The following INSC variants were observed in gnomAD, a reference collection of about 807,000 sequenced individuals.
INSC encodes INSC spindle orientation adaptor protein.
A neutral mutation model predicts 58.6 loss-of-function variants in INSC; 67 were observed. That is an observed-to-expected ratio of 1.14 (90% CI 0.94 to 1.40). The LOEUF (loss-of-function observed/expected upper bound fraction) is 1.40, where lower values mean the gene tolerates loss of function less well. Ranked by LOEUF, INSC falls within the 40% of genes most tolerant of loss-of-function variation. The pLI, the probability that INSC is intolerant of heterozygous loss-of-function variation, is 0.00. For missense variants in INSC, 714 were observed against 692.0 expected (o/e 1.03, Z -0.36); for synonymous variants, 262 against 276.1 (o/e 0.95, Z 0.51).
rs188235797 is a variant in INSC at position 15,144,210 on chromosome 11, G to C, written c.-45-4920G>C. ...GGATATTTCTCAAATGTAGGAAATG[G>C]GTTCATATGTTAGAGGCCAGAAAGA... On this transcript the variant is annotated intron_variant, in intron 1 of 12. Transcript: ENST00000379556. 3.5e-3 allele frequency among the ~76,000 whole-genome samples: 526 copies of C among 152,274 alleles called. 6 individuals carry two copies. The highest frequency in any genetic ancestry group is 4.3e-3 in the Admixed American group (66 of 15,296).
intron 5 of INSC, among the ~76,000 whole-genome samples, chr11:15,181,963 A>T (rs191126531): frequency 6.6e-6 from 1 of 152,112 alleles, no homozygotes; most frequent in Middle Eastern, 3.2e-3. Flanking sequence ...TTCAATTTTC[A>T]TACTCTGTTC....
chr11:15,168,810 A>G (rs1849290024), intron 2 of INSC, among the ~76,000 whole-genome samples: 1 of 152,166 alleles, frequency 6.6e-6, no homozygotes, highest in South Asian at 2.1e-4. Flanking sequence ...TTCTGGGACA[A>G]TGGTAATAGT....
chr11:15,219,181 C>T, intron 7 of INSC, among the ~76,000 whole-genome samples: 1 of 152,122 alleles, frequency 6.6e-6, no homozygotes, highest in South Asian at 2.1e-4. Context: ...GGGTGGGATA[C>T]AGGAACTTGC....
chr11:15,180,694 C>G (rs113781029), intron 5 of INSC, among the ~76,000 whole-genome samples: 1,365 of 41,780 alleles, frequency 0.033, 61 homozygotes, highest in African/African-American at 0.1. Context: ...AGGGGGGGGG[C>G]GGGGGGGGGT....
At chr11:15,179,415 TAAC>T (rs1018464805) in intron 5 of INSC, among the ~76,000 whole-genome samples, 10 of 152,234 alleles carry the variant, frequency 6.6e-5, no homozygotes, top group African/African-American at 2.4e-4. Flanking sequence ...CTACCACAAA[TAAC>T]AAATCTCTTT....
At chr11:15,118,053 C>G (rs567682215) in intron 1 of INSC, among the ~76,000 whole-genome samples, 79 of 152,330 alleles carry the variant, frequency 5.2e-4, no homozygotes, top group Non-Finnish European at 9.6e-4. Flanking sequence ...TCATGTGACC[C>G]TGCCCAACTC....
chr11:15,182,450 A>G (rs1358248502), intron 5 of INSC, among the ~76,000 whole-genome samples: 1 of 152,260 alleles, frequency 6.6e-6, no homozygotes, highest in Non-Finnish European at 1.5e-5. Flanking sequence ...TAATTGTGGT[A>G]CTATGTTTAC....
chr11:15,139,251 TG>T (rs1848315133), intron 1 of INSC, among the ~76,000 whole-genome samples: 3 of 152,208 alleles, frequency 2.0e-5, no homozygotes, highest in Non-Finnish European at 4.4e-5. Flanking sequence ...TTTTCTCTAA[TG>T]GCCTTTATCT....
chr11:15,219,684 C>A (rs1851362774), intron 7 of INSC, among the ~76,000 whole-genome samples: 1 of 152,120 alleles, frequency 6.6e-6, no homozygotes, highest in Admixed American at 6.5e-5. Context: ...GAGCTGGGGA[C>A]CAGGATAGCA....
At chr11:15,249,771 C>T (rs1453709224), downstream of INSC, among the ~76,000 whole-genome samples, 1 of 152,174 alleles carries the variant, frequency 6.6e-6, no homozygotes, top group Non-Finnish European at 1.5e-5. Flanking sequence ...CATGGTTTTT[C>T]CATAGTAACT....
intron 7 of INSC, among the ~76,000 whole-genome samples, chr11:15,204,348 C>A (rs1850713625): frequency 6.6e-6 from 1 of 152,242 alleles, no homozygotes; most frequent in African/African-American, 2.4e-5. Context: ...GGGCTGTTAA[C>A]AATTGTGCAG....
intron 1 of INSC, among the ~76,000 whole-genome samples, chr11:15,128,359 A>C (rs985018137): frequency 6.6e-6 from 1 of 152,206 alleles, no homozygotes; most frequent in Non-Finnish European, 1.5e-5. Flanking sequence ...TTTTCATGGA[A>C]TCATATGGGG....
At chr11:15,224,493 C>T (rs543720547) in intron 8 of INSC, among the ~76,000 whole-genome samples, 88 of 152,366 alleles carry the variant, frequency 5.8e-4, no homozygotes, top group African/African-American at 2.0e-3. Context: ...TAGAACACAG[C>T]TCAATTTTGT....
chr11:15,190,908 C>T lies in INSC; in HGVS notation c.693+94C>T, dbSNP rs572571644. ...GGAATAGCTGGCTCACGAGGTCTGT[C>T]TTGGCCCCTGCATTAGCTGCTGAGT... is the stretch of plus-strand genomic sequence containing the variant. On this transcript the variant is annotated intron_variant, in intron 6 of 12. Transcript: ENST00000379556. 369 of 805,784 alleles carry T rather than the reference C, an allele frequency of 4.6e-4. 6 individuals carry two copies. The highest frequency in any genetic ancestry group is 3.5e-3 in the Middle Eastern group (10 of 2,870). 49.9% of individuals were successfully genotyped at this position (805,784 alleles called of 1,614,324 possible).
intron 5 of INSC, chr11:15,188,419 C>T (rs1850051352): frequency 1.1e-6 from 1 of 890,178 alleles, no homozygotes; most frequent in African/African-American, 1.8e-5. Context: ...GGGCCCGGCT[C>T]CTCCCAAGAC....
At chr11:15,253,730 C>T in the INSC span, among the ~76,000 whole-genome samples, 2 of 151,464 alleles carry the variant, frequency 1.3e-5, no homozygotes, top group Non-Finnish European at 2.9e-5. Context: ...ATGAGATTTA[C>T]AGTTAAAGCC....
intron 12 of INSC, among the ~76,000 whole-genome samples, chr11:15,241,057 C>A (rs573898122): frequency 3.9e-5 from 6 of 152,322 alleles, no homozygotes; most frequent in Admixed American, 2.0e-4. Context: ...ACCTTGAACA[C>A]AAGCAAGTGT....
At chr11:15,135,483 T>C (rs888182622) in intron 1 of INSC, among the ~76,000 whole-genome samples, 11 of 152,242 alleles carry the variant, frequency 7.2e-5, no homozygotes, top group African/African-American at 2.4e-4. Context: ...CACTCTGGGA[T>C]ATTCTGTTAT....
At chr11:15,238,014 G>C (rs918043157) in intron 10 of INSC, among the ~76,000 whole-genome samples, 1 of 152,262 alleles carries the variant, frequency 6.6e-6, no homozygotes, top group South Asian at 2.1e-4. Flanking sequence ...GGAGCCACTG[G>C]GTGCAGAAGA....
Sources: allele counts gnomAD v4.1 joint callset (sites outside exome capture counted in the v4.1 genomes callset), GRCh38; gene constraint gnomAD v4.1.1; transcripts MANE v1.5; gene names NCBI Gene and HGNC (gene_info 2026-07-23, HGNC 2026-07-21).